CYB5R4: variants seen among roughly 807,000 people sequenced by gnomAD.
CYB5R4 encodes N-terminal cytochrome b5 and cytochrome b5 oxidoreductase domain-containing protein.
Under a neutral mutation model 70.2 loss-of-function variants are expected in CYB5R4, and 55 were observed. That is an observed-to-expected ratio of 0.78 (90% CI 0.63 to 0.98). The LOEUF is 0.98. Among genes scored for constraint, CYB5R4 ranks in the 50% least tolerant of loss-of-function variants. The pLI, the probability that CYB5R4 is intolerant of heterozygous loss-of-function variation, is 0.00. For missense variants in CYB5R4, 562 were observed against 612.6 expected (o/e 0.92, Z 0.87); for synonymous variants, 197 against 199.5 (o/e 0.99, Z 0.11).
At position 83,909,186 on chromosome 6, in the gene CYB5R4, T is replaced by C. The variant is rs535759802; in HGVS notation, c.412+96T>C. On this transcript the variant is annotated intron_variant, in intron 4 of 15. Coordinates refer to ENST00000369681, the MANE Select transcript of CYB5R4 (RefSeq NM_016230.4). Reference sequence around the variant, plus strand: ...ACAACTAGGTCTATACAAATCACTATGGTTTTGTAATTTTCATTGGCCTCC... The same window carrying C: ...ACAACTAGGTCTATACAAATCACTACGGTTTTGTAATTTTCATTGGCCTCC... 7.3e-5 allele frequency: 71 copies of C among 974,674 alleles called. No individual in the cohort carries two copies. In the South Asian group the frequency reaches 1.1e-3, roughly 15 times the overall value. 60.4% of individuals were successfully genotyped at this position (974,674 alleles called of 1,614,324 possible). A position where few individuals can be genotyped will look rare whatever the true frequency, so the allele number is the denominator to read the frequency against.
intron 5 of CYB5R4, 37 bp downstream of exon 5, chr6:83,914,485 A>ATAAG: frequency 2.7e-6 from 4 of 1,471,744 alleles, no homozygotes; most frequent in Non-Finnish European, 3.7e-6. Flanking sequence ...AATCATATTC[A>ATAAG]CATGCTTATG....
intron 2 of CYB5R4, among the ~76,000 whole-genome samples, chr6:83,870,590 A>G (rs924096397): frequency 3.3e-5 from 5 of 152,018 alleles, no homozygotes; most frequent in South Asian, 2.1e-4. Context: ...TTTAATTTGT[A>G]ATAGAACATA....
intron 10 of CYB5R4, chr6:83,926,368 T>C (rs2099467272): frequency 6.6e-6 from 1 of 152,050 alleles, no homozygotes; most frequent in Non-Finnish European, 1.5e-5. Context: ...TTTTTTTTTT[T>C]TTCTTAGAAT....
In CYB5R4 at chr6:83,934,711, G is replaced by A. The variant is rs1220169396; in HGVS notation, c.931G>A (p.Val311Ile). 22 of 1,613,258 alleles carry A rather than the reference G, an allele frequency of 1.4e-5. 1 individual carries two copies. Among genetic ancestry groups the A allele is most frequent in the Non-Finnish European group, 1.7e-5 (20 of 1,179,664 alleles). The stretch of plus-strand genomic sequence containing the variant: ...TCTTCAAGTGCCCATTGGGCAACAT[G>A]TTTACCTCAAGCTACCTATTACAGG... ...THLQVPIGQH[V>I]YLKLPITGTE... Residue 311 changes from valine (V) to isoleucine (I), a missense_variant, in exon 11 of 16, where the codon GTT becomes ATT. Transcript: ENST00000369681.
intron 15 of CYB5R4, among the ~76,000 whole-genome samples, chr6:83,956,451 TA>T (rs1347861548): frequency 6.6e-6 from 1 of 152,184 alleles, no homozygotes; most frequent in Non-Finnish European, 1.5e-5. Flanking sequence ...TGAGTTTGTC[TA>T]AAGACCTGAG....
chr6:83,920,987 G>T (rs932504637), intron 7 of CYB5R4, 95 bp from the exon 8 acceptor site: 2 of 887,994 alleles, frequency 2.3e-6, no homozygotes, highest in Admixed American at 4.5e-5. Context: ...AAGAAGCACC[G>T]TATGAAGTAC....
At chr6:83,920,878 A>G (rs575734357) in intron 7 of CYB5R4, among the ~76,000 whole-genome samples, 1 of 152,292 alleles carries the variant, frequency 6.6e-6, no homozygotes, top group South Asian at 2.1e-4. Context: ...AACAGAGACA[A>G]ATATGTAGTA....
intron 2 of CYB5R4, among the ~76,000 whole-genome samples, chr6:83,891,182 A>C (rs1398617834): frequency 6.6e-6 from 1 of 152,060 alleles, no homozygotes; most frequent in African/African-American, 2.4e-5. Context: ...CCTAGCATGA[A>C]GCAATCCTCC....
At chr6:83,891,081 A>G (rs533946661) in intron 2 of CYB5R4, among the ~76,000 whole-genome samples, 2 of 151,898 alleles carry the variant, frequency 1.3e-5, no homozygotes, top group African/African-American at 4.8e-5. Context: ...TAGCAGGGGG[A>G]CTACAGGCAC....
At chr6:83,864,003 G>A (rs2099456381) in intron 1 of CYB5R4, among the ~76,000 whole-genome samples, 172 bp from the exon 2 acceptor site, 1 of 152,142 alleles carries the variant, frequency 6.6e-6, no homozygotes. Context: ...AATTTGTGTG[G>A]TAGAATTTCT....
At chr6:83,870,676 G>A (rs2099457447) in intron 2 of CYB5R4, among the ~76,000 whole-genome samples, 1 of 151,804 alleles carries the variant, frequency 6.6e-6, no homozygotes, top group South Asian at 2.1e-4. Context: ...AGTTTACTTT[G>A]TGTACTATCA....
chr6:83,910,769 G>A (rs1285923693), intron 4 of CYB5R4, among the ~76,000 whole-genome samples: 1 of 152,178 alleles, frequency 6.6e-6, no homozygotes, highest in Non-Finnish European at 1.5e-5. Context: ...AAAATGACAA[G>A]TGAAGCCAAC....
chr6:83,905,156 GA>G (rs1242452086), intron 3 of CYB5R4, among the ~76,000 whole-genome samples: 1 of 152,182 alleles, frequency 6.6e-6, no homozygotes, highest in Non-Finnish European at 1.5e-5. Context: ...CCAGGTTCAA[GA>G]GATTCTCCTG....
rs2099473346 is a variant in CYB5R4 at position 83,961,551 on chromosome 6, GCTT to G, written c.*1680_*1682del. 1 of 151,990 alleles carries G rather than the reference GCTT, an allele frequency of 6.6e-6. No homozygotes were observed. The highest frequency in any genetic ancestry group is 1.5e-5 in the Non-Finnish European group (1 of 68,026). The allele number at this position is 151,990 out of a possible 1,614,324, so 9.4% of individuals were successfully genotyped here. Reference sequence around the variant, plus strand: ...CTGCTGTATTATGAAGAAGGTCCTTGCTTCTTCTTTGCTTTCTACCATAATTGT... The same window carrying G: ...CTGCTGTATTATGAAGAAGGTCCTTGCTTCTTTGCTTTCTACCATAATTGT... On this transcript the variant is annotated 3_prime_UTR_variant, in exon 16 of 16. Transcript: ENST00000369681.
Sources: allele counts gnomAD v4.1 joint callset (sites outside exome capture counted in the v4.1 genomes callset), GRCh38; gene constraint gnomAD v4.1.1; transcripts MANE v1.5; gene names NCBI Gene and HGNC (gene_info 2026-07-23, HGNC 2026-07-21).